DENND1A: variants seen among roughly 807,000 people sequenced by gnomAD.
DENND1A encodes the protein DENN domain containing 1A, also known as DENN domain-containing protein 1A.
DENND1A carries 51 observed loss-of-function variants against 113.7 expected under a neutral mutation model. The ratio of observed to expected loss-of-function variants is 0.45; its 90% CI spans 0.36 to 0.57. The LOEUF (loss-of-function observed/expected upper bound fraction) is 0.57. DENND1A is among the 20% of genes least tolerant of loss of function. DENND1A has a pLI of 0.00. For missense variants in DENND1A, 1,258 were observed against 1,395.9 expected (o/e 0.90, Z 1.57); for synonymous variants, 565 against 570.8 (o/e 0.99, Z 0.14).
At chr9:123,486,014 C>T (rs193129064) in intron 13 of DENND1A, among the ~76,000 whole-genome samples, 7 of 152,286 alleles carry the variant, frequency 4.6e-5, no homozygotes, top group African/African-American at 9.6e-5. Context: ...TGGCATACCC[C>T]GGGTGCCATA....
At chr9:123,604,557 A>G (rs1395114808) in intron 11 of DENND1A, among the ~76,000 whole-genome samples, 1 of 152,230 alleles carries the variant, frequency 6.6e-6, no homozygotes, top group African/African-American at 2.4e-5. Context: ...AGACACTGGG[A>G]TATGCTGTCC....
At chr9:123,472,644 C>G (rs568221929) in intron 13 of DENND1A, among the ~76,000 whole-genome samples, 18 of 152,308 alleles carry the variant, frequency 1.2e-4, no homozygotes, top group Non-Finnish European at 1.9e-4. Flanking sequence ...GGCCCCTTGT[C>G]CCCCTCAGGC....
chr9:123,678,582 G>A (rs78870382), intron 5 of DENND1A, among the ~76,000 whole-genome samples: 3,519 of 152,270 alleles, frequency 0.023, 55 homozygotes, highest in South Asian at 0.051. Context: ...ACAGATTACC[G>A]GCTGCGCCAC....
At chr9:123,772,549 C>T (rs896148165) in intron 3 of DENND1A, among the ~76,000 whole-genome samples, 1 of 152,164 alleles carries the variant, frequency 6.6e-6, no homozygotes, top group Non-Finnish European at 1.5e-5. Context: ...TCAACTACTG[C>T]CACATAAATC....
intron 2 of DENND1A, among the ~76,000 whole-genome samples, chr9:123,862,999 G>A (rs1845271070): frequency 6.6e-6 from 1 of 152,122 alleles, no homozygotes; most frequent in Non-Finnish European, 1.5e-5. Flanking sequence ...TGTGATGGAG[G>A]TGCTTATATT....
chr9:123,910,242 G>A (rs562086650), intron 1 of DENND1A, among the ~76,000 whole-genome samples: 88 of 152,234 alleles, frequency 5.8e-4, no homozygotes, highest in African/African-American at 2.0e-3. Flanking sequence ...ATTAAATAAC[G>A]AGACTTACTT....
chr9:123,473,512 C>T (rs1179819691), intron 13 of DENND1A, among the ~76,000 whole-genome samples: 1 of 152,208 alleles, frequency 6.6e-6, no homozygotes, highest in Non-Finnish European at 1.5e-5. Flanking sequence ...TGACAGAGAG[C>T]AGATGGGCAG....
At chr9:123,432,528 A>T (rs1471949113) in intron 19 of DENND1A, among the ~76,000 whole-genome samples, 1 of 152,208 alleles carries the variant, frequency 6.6e-6, no homozygotes, top group Non-Finnish European at 1.5e-5. Flanking sequence ...GAGCAGGAGG[A>T]GCTGGAGGGA....
chr9:123,864,353 C>T (rs1167389279), intron 2 of DENND1A, among the ~76,000 whole-genome samples: 3 of 152,158 alleles, frequency 2.0e-5, no homozygotes, highest in African/African-American at 4.8e-5. Context: ...ACTGCTTCTG[C>T]TAGAGGAGAG....
chr9:123,404,185 G>A (rs1047727522), intron 20 of DENND1A, among the ~76,000 whole-genome samples: 1 of 152,184 alleles, frequency 6.6e-6, no homozygotes, highest in Non-Finnish European at 1.5e-5. Flanking sequence ...TGCAGCAGCG[G>A]GATGGGTTTT....
intron 19 of DENND1A, among the ~76,000 whole-genome samples, chr9:123,434,029 C>A (rs1022507344): frequency 6.6e-6 from 1 of 152,202 alleles, no homozygotes; most frequent in African/African-American, 2.4e-5. Flanking sequence ...TATTTGGAAA[C>A]AAAATCCTTT....
chr9:123,745,675 T>C (rs933864111), intron 5 of DENND1A, among the ~76,000 whole-genome samples: 2 of 152,348 alleles, frequency 1.3e-5, no homozygotes, highest in Admixed American at 6.5e-5. Flanking sequence ...TGCACCAGTA[T>C]AGCTCTTCAA....
At chr9:123,408,869 A>T (rs1471030312) in intron 20 of DENND1A, among the ~76,000 whole-genome samples, 1 of 152,202 alleles carries the variant, frequency 6.6e-6, no homozygotes, top group African/African-American at 2.4e-5. Flanking sequence ...AATTTTTCCA[A>T]GGGGAATGAT....
At chr9:123,929,029 A>G (rs1416102971) in intron 1 of DENND1A, 4 of 533,578 alleles carry the variant, frequency 7.5e-6, no homozygotes, top group Non-Finnish European at 9.6e-6. Context: ...AGAGGCCACA[A>G]GAGGACCTGG....
chr9:123,782,400 A>G (rs1831459445), intron 3 of DENND1A, among the ~76,000 whole-genome samples: 1 of 152,240 alleles, frequency 6.6e-6, no homozygotes, highest in African/African-American at 2.4e-5. Flanking sequence ...GGGATTTAAT[A>G]AAGGTATGTC....
intron 2 of DENND1A, among the ~76,000 whole-genome samples, chr9:123,870,270 C>CTTT (rs113651309): frequency 1.4e-5 from 2 of 139,346 alleles, no homozygotes; most frequent in African/African-American, 2.7e-5. Flanking sequence ...TATTAATCAG[C>CTTT]TTTTTTTTTT....
chr9:123,448,998 C>T (rs1588583392), intron 18 of DENND1A, among the ~76,000 whole-genome samples: 1 of 152,120 alleles, frequency 6.6e-6, no homozygotes, highest in Non-Finnish European at 1.5e-5. Context: ...TTTTGGAAAA[C>T]AAAACACTTG....
At chr9:123,780,281 A>G (rs999618583) in intron 3 of DENND1A, among the ~76,000 whole-genome samples, 1 of 152,148 alleles carries the variant, frequency 6.6e-6, no homozygotes, top group Admixed American at 6.5e-5. Flanking sequence ...CTGTGTCTAT[A>G]ATTCCTATCA....
intron 5 of DENND1A, among the ~76,000 whole-genome samples, chr9:123,745,196 A>G (rs1213082252): frequency 1.3e-5 from 2 of 152,146 alleles, no homozygotes; most frequent in Non-Finnish European, 2.9e-5. Context: ...TGCAGGCCCT[A>G]CTCTGACACT....
Sources: allele counts gnomAD v4.1 joint callset (sites outside exome capture counted in the v4.1 genomes callset), GRCh38; gene constraint gnomAD v4.1.1; transcripts MANE v1.5; gene names NCBI Gene and HGNC (gene_info 2026-07-23, HGNC 2026-07-21).